Variants in NCOA7 observed in about 807,000 individuals in gnomAD.
The protein encoded by NCOA7 is nuclear receptor coactivator 7.
In NCOA7, 45 loss-of-function variants were observed where a neutral mutation model predicts 104.3. That is an observed-to-expected ratio of 0.43 (90% CI 0.34 to 0.55). The LOEUF is 0.55. Among genes scored for constraint, NCOA7 ranks in the 20% least tolerant of loss-of-function variants. NCOA7 has a pLI of 0.02. For missense variants in NCOA7, 1,041 were observed against 1,119.7 expected (o/e 0.93, Z 1.00); for synonymous variants, 398 against 402.3 (o/e 0.99, Z 0.13).
chr6:125,892,567 G>A (rs533726297), intron 10 of NCOA7, among the ~76,000 whole-genome samples: 3 of 152,164 alleles, frequency 2.0e-5, no homozygotes, highest in Non-Finnish European at 2.9e-5. Context: ...CTAGCTACTC[G>A]GGAGGCTGAG....
At chr6:125,805,339 C>T (rs1037368542) in intron 1 of NCOA7, among the ~76,000 whole-genome samples, 4 of 152,092 alleles carry the variant, frequency 2.6e-5, no homozygotes, top group South Asian at 2.1e-4. Flanking sequence ...AGGTGATCCA[C>T]CCGCCTCAGC....
intron 5 of NCOA7, among the ~76,000 whole-genome samples, chr6:125,880,826 C>G (rs548650959): frequency 6.6e-6 from 1 of 152,308 alleles, no homozygotes; most frequent in Admixed American, 6.5e-5. Context: ...GCCACTGTGC[C>G]TGGCCTTGCT....
intron 2 of NCOA7, among the ~76,000 whole-genome samples, chr6:125,845,640 G>A (rs1780539004): frequency 6.6e-6 from 1 of 152,140 alleles, no homozygotes; most frequent in Non-Finnish European, 1.5e-5. Flanking sequence ...TGGGCATGGT[G>A]GTGCTGCATG....
At chr6:125,883,713 C>CTTTTTTTT (rs35489978) in intron 7 of NCOA7, among the ~76,000 whole-genome samples, 2 of 85,932 alleles carry the variant, frequency 2.3e-5, no homozygotes, top group Non-Finnish European at 4.5e-5. Flanking sequence ...ACCTACACCT[C>CTTTTTTTT]TTTTTTTTTT....
intron 4 of NCOA7, among the ~76,000 whole-genome samples, chr6:125,877,284 A>C (rs564245168): frequency 2.6e-5 from 4 of 152,248 alleles, no homozygotes; most frequent in African/African-American, 9.6e-5. Flanking sequence ...CTCCTCCTAC[A>C]TCTCTACCCT....
chr6:125,894,381 T>C (rs1784845324), intron 10 of NCOA7, among the ~76,000 whole-genome samples: 1 of 152,126 alleles, frequency 6.6e-6, no homozygotes, highest in African/African-American at 2.4e-5. Context: ...AAAGCCACAA[T>C]AGCTAAATAA....
intron 3 of NCOA7, among the ~76,000 whole-genome samples, chr6:125,866,650 C>A (rs931568990): frequency 6.6e-6 from 1 of 152,196 alleles, no homozygotes; most frequent in Non-Finnish European, 1.5e-5. Context: ...GACTCTCATT[C>A]ACAGTCCATC....
At chr6:125,911,179 A>G (rs1786508089) in intron 10 of NCOA7, among the ~76,000 whole-genome samples, 3 of 152,244 alleles carry the variant, frequency 2.0e-5, no homozygotes, top group Admixed American at 1.3e-4. Context: ...CGTTAAGCAC[A>G]TGATTTACAG....
chr6:125,915,894 C>G (rs1787028264), intron 11 of NCOA7, among the ~76,000 whole-genome samples: 1 of 152,142 alleles, frequency 6.6e-6, no homozygotes, highest in Non-Finnish European at 1.5e-5. Context: ...TGTTTCATTT[C>G]ACATAGTTAT....
chr6:125,929,238 G>C lies in NCOA7; in HGVS notation c.*467G>C, dbSNP rs1788307142. 7.1e-6 allele frequency: 1 copy of C among 141,684 alleles called. No homozygotes were observed. Among genetic ancestry groups the C allele is most frequent in the South Asian group, 2.2e-4 (1 of 4,636 alleles). The allele number at this position is 141,684 out of a possible 1,614,324, so 8.8% of individuals were successfully genotyped here. On this transcript the variant is annotated 3_prime_UTR_variant, in exon 16 of 16. Coordinates refer to ENST00000392477, the MANE Select transcript of NCOA7 (RefSeq NM_181782.5). The stretch of plus-strand genomic sequence containing the variant: ...CACAGCACTTAAAGGGAATATATGA[G>C]GTTTTTTTTTTTTTAAAAAAAAACT...
At chr6:125,839,442 CTGCT>C (rs1779921982) in intron 2 of NCOA7, among the ~76,000 whole-genome samples, 4 of 151,108 alleles carry the variant, frequency 2.6e-5, no homozygotes, top group African/African-American at 9.9e-5. Flanking sequence ...TTAACTCTAT[CTGCT>C]GTCCCCTCCC....
intron 2 of NCOA7, among the ~76,000 whole-genome samples, chr6:125,852,647 C>T (rs964350939): frequency 1.3e-5 from 2 of 152,136 alleles, no homozygotes; most frequent in African/African-American, 4.8e-5. Flanking sequence ...TTTTCCAGCA[C>T]CCTTTATTGA....
intron 2 of NCOA7, among the ~76,000 whole-genome samples, chr6:125,839,068 A>G (rs971869280): frequency 1.3e-5 from 2 of 152,066 alleles, no homozygotes; most frequent in Non-Finnish European, 2.9e-5. Context: ...TTGGAGGTTC[A>G]TTACCTATGC....
At chr6:125,827,216 A>AAAAAAAG (rs1778747858) in intron 2 of NCOA7, among the ~76,000 whole-genome samples, 1 of 143,892 alleles carries the variant, frequency 6.9e-6, no homozygotes. Context: ...AAAAAAAAAA[A>AAAAAAAG]GTGAGAGTGA....
chr6:125,858,126 T>G (rs1199068450), intron 3 of NCOA7, among the ~76,000 whole-genome samples: 1 of 152,116 alleles, frequency 6.6e-6, no homozygotes, highest in African/African-American at 2.4e-5. Flanking sequence ...TGTATTTGAT[T>G]ACCTATGTAC....
intron 3 of NCOA7, among the ~76,000 whole-genome samples, chr6:125,871,865 C>T (rs1782946225): frequency 6.6e-6 from 1 of 152,062 alleles, no homozygotes; most frequent in Admixed American, 6.5e-5. Context: ...GGTGTGGTGG[C>T]ATGAGCCCGT....
intron 3 of NCOA7, among the ~76,000 whole-genome samples, chr6:125,872,615 T>C (rs1783027831): frequency 6.6e-6 from 1 of 152,238 alleles, no homozygotes; most frequent in Non-Finnish European, 1.5e-5. Flanking sequence ...GGGGTATTCA[T>C]CTACCACATA....
At chr6:125,846,909 C>A (rs1193876705) in intron 2 of NCOA7, among the ~76,000 whole-genome samples, 1 of 152,180 alleles carries the variant, frequency 6.6e-6, no homozygotes, top group Non-Finnish European at 1.5e-5. Flanking sequence ...AAGTACATAG[C>A]ATGGTGCCTG....
intron 3 of NCOA7, among the ~76,000 whole-genome samples, chr6:125,872,228 A>T (rs1782987136): frequency 6.6e-6 from 1 of 152,208 alleles, no homozygotes; most frequent in Non-Finnish European, 1.5e-5. Flanking sequence ...AACATAGTTA[A>T]GTTTATCCTG....
Sources: allele counts gnomAD v4.1 joint callset (sites outside exome capture counted in the v4.1 genomes callset), GRCh38; gene constraint gnomAD v4.1.1; transcripts MANE v1.5; gene names NCBI Gene and HGNC (gene_info 2026-07-23, HGNC 2026-07-21).